CEMIP2: variants seen among roughly 807,000 people sequenced by gnomAD.
The protein encoded by CEMIP2 is cell surface hyaluronidase CEMIP2.
In CEMIP2, 79 loss-of-function variants were observed where a neutral mutation model predicts 146.9. The ratio of observed to expected loss-of-function variants is 0.54; its 90% CI spans 0.45 to 0.65. CEMIP2 has a LOEUF of 0.65. Ranked by LOEUF, CEMIP2 falls within the 30% of genes least tolerant of loss-of-function variation. The pLI, the probability that CEMIP2 is intolerant of heterozygous loss-of-function variation, is 0.00. For missense variants in CEMIP2, 1,596 were observed against 1,696.2 expected (o/e 0.94, Z 1.04); for synonymous variants, 601 against 606.3 (o/e 0.99, Z 0.13).
intron 5 of CEMIP2, among the ~76,000 whole-genome samples, chr9:71,736,794 C>T (rs979935483): frequency 1.3e-5 from 2 of 152,124 alleles, no homozygotes; most frequent in Admixed American, 1.3e-4. Context: ...AGAAGGAAAA[C>T]ATGACATTTC....
intron 19 of CEMIP2, 173 bp from the exon 20 acceptor site, chr9:71,698,377 C>G (rs975040359): frequency 2.8e-5 from 17 of 608,744 alleles, no homozygotes; most frequent in Non-Finnish European, 4.9e-5. Context: ...TTCAAGGGTC[C>G]TAAGTCAAAT....
At chr9:71,733,432 T>C (rs1823677824) in intron 6 of CEMIP2, among the ~76,000 whole-genome samples, 1 of 152,186 alleles carries the variant, frequency 6.6e-6, no homozygotes, top group Non-Finnish European at 1.5e-5. Flanking sequence ...ATCATAGTTT[T>C]GGGGTTTTTT....
At chr9:71,698,603 C>T (rs1252204452) in intron 19 of CEMIP2, among the ~76,000 whole-genome samples, 2 of 50,122 alleles carry the variant, frequency 4.0e-5, no homozygotes, top group African/African-American at 1.2e-4. Context: ...ATTCATAAAT[C>T]ATTTTGGTTA....
chr9:71,716,608 G>A, intron 13 of CEMIP2, 56 bp from the exon 14 acceptor site: 2 of 1,374,316 alleles, frequency 1.5e-6, no homozygotes, highest in Admixed American at 2.1e-5. Flanking sequence ...TGTAAAAAGA[G>A]GTAATTCTCT....
chr9:71,698,300 C>A (rs994995293), intron 19 of CEMIP2, 96 bp from the exon 20 acceptor site: 2 of 955,750 alleles, frequency 2.1e-6, no homozygotes, highest in Non-Finnish European at 3.2e-6. Flanking sequence ...GATATTCCTC[C>A]AATTAGTAAC....
rs1823501813 is a variant in CEMIP2 at position 71,728,297 on chromosome 9, A to ATGTG, written c.2049+1547_2049+1548insCACA. On this transcript the variant is annotated intron_variant, in intron 10 of 23. Coordinates refer to ENST00000377044, the MANE Select transcript of CEMIP2 (RefSeq NM_013390.3). ...TATATATATGTATATATATATATAT[A>ATGTG]TATACATATATATATATATACGTAT... Among the ~76,000 whole-genome samples, 2 of 41,310 alleles carry ATGTG rather than the reference A, an allele frequency of 4.8e-5. 1 individual carries two copies. The highest frequency in any genetic ancestry group is 8.6e-5 in the Non-Finnish European group (2 of 23,250). The allele number at this position is 41,310 out of a possible 152,430, so 27.1% of individuals were successfully genotyped here.
chr9:71,726,247 C>T (rs1172791782), intron 10 of CEMIP2, among the ~76,000 whole-genome samples: 1 of 152,174 alleles, frequency 6.6e-6, no homozygotes. Flanking sequence ...GATACTGTCT[C>T]AGGCTGGGCC....
chr9:71,752,278 T>C (rs1004758720), intron 1 of CEMIP2, among the ~76,000 whole-genome samples: 2 of 151,642 alleles, frequency 1.3e-5, no homozygotes, highest in African/African-American at 4.9e-5. Context: ...AAAAGGCCTA[T>C]TAATCTCAGG....
At position 71,735,122 on chromosome 9, in the gene CEMIP2, G is replaced by T; in HGVS notation, c.1205-128C>A. On this transcript the variant is annotated intron_variant, in intron 5 of 23. Coordinates refer to ENST00000377044, the MANE Select transcript of CEMIP2 (RefSeq NM_013390.3). ...TAACCACGATTCAGCAAATTTTTAC[G>T]CATGCTACCATGTATTAGTCACTCT... 3.8e-6 allele frequency: 4 copies of T among 1,059,200 alleles called. No individual in the cohort carries two copies. In the Admixed American group the frequency reaches 8.5e-5, roughly 23 times the overall value. 65.6% of individuals were successfully genotyped at this position (1,059,200 alleles called of 1,614,324 possible).
Position 71,690,138 on chromosome 9 carries a change from C to T in CEMIP2, c.3805G>A (p.Asp1269Asn). The change falls in exon 22 of 24, where the codon GAT (aspartate) becomes AAT (asparagine). Residue 1269 changes from aspartate (D) to asparagine (N), a missense_variant. Coordinates refer to ENST00000377044, the MANE Select transcript of CEMIP2 (RefSeq NM_013390.3). ...LTEKTVFPLA[D>N]VSRIEEYLKT... The stretch of plus-strand genomic sequence containing the variant: ...AAATACTCTTCAATGCGACTGACAT[C>T]AGCAAGAGGAAAAACCGTTTTTTCC... The T allele has an allele frequency of 6.2e-7, 1 of 1,614,174 alleles. No individual in the cohort carries two copies. The highest frequency in any genetic ancestry group is 1.1e-5 in the South Asian group (1 of 91,082).
At chr9:71,691,335 T>C (rs111403877) in intron 21 of CEMIP2, among the ~76,000 whole-genome samples, 2,137 of 150,208 alleles carry the variant, frequency 0.014, 43 homozygotes, top group African/African-American at 0.048. Context: ...GGAGAATCAT[T>C]TGAACCCAGG....
Position 71,704,588 on chromosome 9 carries a change from A to C in CEMIP2, c.3194+7T>G, listed in dbSNP as rs1822674469. The C allele has an allele frequency of 6.2e-7, 1 of 1,613,802 alleles. No individual in the cohort carries two copies. The highest frequency in any genetic ancestry group is 8.5e-7 in the Non-Finnish European group (1 of 1,179,762). ...AACTATTTGAAATAACAGTAACAGA[A>C]ACATACTTGTTGAAGTTGACGAGGT... On this transcript the variant is annotated splice_region_variant and intron_variant, in intron 18 of 23. Transcript: ENST00000377044.
At chr9:71,741,279 C>T (rs1478184352) in intron 4 of CEMIP2, among the ~76,000 whole-genome samples, 2 of 148,546 alleles carry the variant, frequency 1.3e-5, no homozygotes, top group African/African-American at 5.0e-5. Context: ...TCACCGCAAC[C>T]TCCTGCCTCC....
intron 3 of CEMIP2, 75 bp from the exon 4 acceptor site, chr9:71,745,654 A>AG: frequency 7.2e-7 from 1 of 1,389,970 alleles, no homozygotes; most frequent in Non-Finnish European, 9.7e-7. Flanking sequence ...TTTCACCTTA[A>AG]GTTAAATACA....
At chr9:71,723,229 G>T (rs1823292840) in intron 11 of CEMIP2, among the ~76,000 whole-genome samples, 1 of 150,390 alleles carries the variant, frequency 6.6e-6, no homozygotes, top group South Asian at 2.1e-4. Flanking sequence ...GCAAACATCA[G>T]ATCACATGGA....
At position 71,685,491 on chromosome 9, in the gene CEMIP2, AAAGG is replaced by A. The variant is rs1589121195; in HGVS notation, c.3956-102_3956-99del. The stretch of plus-strand genomic sequence containing the variant: ...GAGGTGAGTCGGAGGTGAGCAAAAC[AAAGG>A]CAGCTATTAAAAAACTCTGCACTTC... On this transcript the variant is annotated intron_variant, in intron 23 of 23. Transcript: ENST00000377044. 2.3e-6 allele frequency: 3 copies of A among 1,324,302 alleles called. No individual in the cohort carries two copies. In the East Asian group the frequency reaches 7.8e-5, roughly 34 times the overall value. 82.0% of individuals were successfully genotyped at this position (1,324,302 alleles called of 1,614,324 possible).
intron 1 of CEMIP2, among the ~76,000 whole-genome samples, 151 bp downstream of exon 1, chr9:71,768,206 T>C (rs1426992058): frequency 6.6e-6 from 1 of 152,020 alleles, no homozygotes; most frequent in Non-Finnish European, 1.5e-5. Flanking sequence ...ACGTTTTCCT[T>C]TTCGGCAGAA....
At chr9:71,689,807 G>C (rs554106010) in intron 22 of CEMIP2, among the ~76,000 whole-genome samples, 1 of 152,156 alleles carries the variant, frequency 6.6e-6, no homozygotes, top group African/African-American at 2.4e-5. Context: ...TAAAAAGTGG[G>C]ATAGTAATGT....
intron 13 of CEMIP2, 120 bp from the exon 14 acceptor site, chr9:71,716,672 AC>A (rs1418343333): frequency 2.8e-6 from 2 of 716,710 alleles, no homozygotes; most frequent in African/African-American, 3.7e-5. Context: ...TCTCTACATG[AC>A]CACACAAAAA....
Sources: gnomAD v4.1 joint callset for allele counts (sites outside exome capture counted in the v4.1 genomes callset) on GRCh38, gnomAD v4.1.1 for gene constraint, MANE v1.5 for transcripts, NCBI Gene and HGNC (gene_info 2026-07-23, HGNC 2026-07-21) for gene names.